Variants in ELF2 observed in about 807,000 individuals in gnomAD.
The protein encoded by ELF2 is ETS-related transcription factor Elf-2.
In ELF2, 11 loss-of-function variants were observed where a neutral mutation model predicts 54.8. The ratio of observed to expected loss-of-function variants is 0.20; its 90% confidence interval spans 0.13 to 0.33. ELF2 has a LOEUF of 0.33. Among genes scored for constraint, ELF2 ranks in the 10% least tolerant of loss-of-function variants. The probability of loss-of-function intolerance (pLI) is 1.00; values close to 1 mark genes in which losing one functional copy is unlikely to be tolerated. For synonymous variants in ELF2, 203 were observed against 245.1 expected, an observed-to-expected ratio of 0.83 and a Z score of 1.61; for missense variants, 513 against 703.0, an observed-to-expected ratio of 0.73 and a Z score of 3.06.
intron 4 of ELF2, among the ~76,000 whole-genome samples, chr4:139,096,625 C>CTTTT (rs551057884): frequency 7.9e-6 from 1 of 127,026 alleles, no homozygotes; most frequent in African/African-American, 2.9e-5. Flanking sequence ...CCATACCAAG[C>CTTTT]TTTTTTTTTT....
chr4:139,084,551 G>T (rs1731753592), intron 4 of ELF2: 1 of 461,540 alleles, frequency 2.2e-6, no homozygotes, highest in African/African-American at 2.1e-5. Context: ...CCAGAGAGCG[G>T]CCGCAGCCTG....
At chr4:139,133,393 T>G (rs1737751099) in intron 3 of ELF2, among the ~76,000 whole-genome samples, 1 of 152,184 alleles carries the variant, frequency 6.6e-6, no homozygotes, top group Non-Finnish European at 1.5e-5. Flanking sequence ...TTACATGTAT[T>G]TAACGTTCCA....
At chr4:139,070,091 C>T (rs1296341554) in intron 6 of ELF2, among the ~76,000 whole-genome samples, 2 of 152,096 alleles carry the variant, frequency 1.3e-5, no homozygotes, top group Non-Finnish European at 2.9e-5. Flanking sequence ...AATCCTCCTG[C>T]CTCAGCCTCC....
chr4:139,157,452 T>C (rs1740664421), intron 1 of ELF2, among the ~76,000 whole-genome samples: 1 of 152,060 alleles, frequency 6.6e-6, no homozygotes, highest in South Asian at 2.1e-4. Context: ...CAGGCTGGAG[T>C]GCAGTGGCAT....
At position 139,073,448 on chromosome 4, in the gene ELF2, A is replaced by C. The variant is rs759435588; in HGVS notation, c.352+6T>G. 6.3e-7 allele frequency: 1 copy of C among 1,586,442 alleles called. No individual in the cohort carries two copies. The highest frequency in any genetic ancestry group is 8.6e-7 in the Non-Finnish European group (1 of 1,164,558). On this transcript the variant is annotated splice_donor_region_variant and intron_variant, in intron 5 of 9. Transcript: ENST00000686138. The stretch of plus-strand genomic sequence containing the variant: ...CGTTTAACATAAGAATGAACAGTTT[A>C]CATACCAGGACTTCTTGAATCCCTC...
chr4:139,122,496 TTTTTG>T (rs55655731), intron 4 of ELF2, among the ~76,000 whole-genome samples: 101 of 150,606 alleles, frequency 6.7e-4, no homozygotes, highest in Admixed American at 3.4e-3. Flanking sequence ...CTTTTTTTAG[TTTTTG>T]TTTTGTTTTG....
intron 4 of ELF2, among the ~76,000 whole-genome samples, chr4:139,079,867 CTG>C (rs1332412581): frequency 3.3e-5 from 5 of 152,214 alleles, no homozygotes; most frequent in Non-Finnish European, 5.9e-5. Context: ...GATTGTGCCA[CTG>C]CACTCCAGGC....
At chr4:139,164,218 G>C (rs1015494611) in intron 1 of ELF2, among the ~76,000 whole-genome samples, 6 of 149,316 alleles carry the variant, frequency 4.0e-5, no homozygotes, top group East Asian at 2.0e-4. Flanking sequence ...GGGGAGGAGG[G>C]AGGGAGGGAA....
At chr4:139,136,553 AT>A (rs1018002855) in intron 3 of ELF2, among the ~76,000 whole-genome samples, 5 of 151,550 alleles carry the variant, frequency 3.3e-5, no homozygotes, top group African/African-American at 7.3e-5. Flanking sequence ...GAGAAAACAG[AT>A]TTTTTTTTAA....
chr4:139,134,598 ATTTTATTTTATTTTATTTTATTTAT>A (rs1737923420), intron 3 of ELF2, among the ~76,000 whole-genome samples: 1 of 139,626 alleles, frequency 7.2e-6, no homozygotes, highest in Non-Finnish European at 1.5e-5. Context: ...ATTTTATTTT[ATTTTATTTTATTTTATTTTATTTAT>A]TTTATTTTAT....
chr4:139,131,440 G>A (rs1737479671), intron 3 of ELF2, among the ~76,000 whole-genome samples: 1 of 152,150 alleles, frequency 6.6e-6, no homozygotes, highest in Admixed American at 6.5e-5. Context: ...TGCTCTCCAG[G>A]TATCAGAAGT....
At chr4:139,105,789 G>A (rs1414909619) in intron 4 of ELF2, among the ~76,000 whole-genome samples, 1 of 152,196 alleles carries the variant, frequency 6.6e-6, no homozygotes, top group South Asian at 2.1e-4. Context: ...CTACTTGGGA[G>A]GCTGAGGTGG....
intron 4 of ELF2, among the ~76,000 whole-genome samples, chr4:139,110,028 T>C (rs1056641008): frequency 2.0e-5 from 3 of 152,232 alleles, no homozygotes; most frequent in African/African-American, 7.2e-5. Context: ...ATAATTAATA[T>C]TGTATATTAG....
intron 4 of ELF2, among the ~76,000 whole-genome samples, chr4:139,111,942 T>G (rs1031959730): frequency 1.3e-5 from 2 of 152,206 alleles, no homozygotes; most frequent in Non-Finnish European, 2.9e-5. Context: ...TAAGTAATTC[T>G]TTGACTGTCC....
chr4:139,151,286 T>C (rs1739972373), intron 1 of ELF2, among the ~76,000 whole-genome samples: 1 of 152,034 alleles, frequency 6.6e-6, no homozygotes, highest in Admixed American at 6.5e-5. Flanking sequence ...GAAAAAATTA[T>C]TAGATGAGAC....
In ELF2 at chr4:139,137,466, T is replaced by C. The variant is rs187849411; in HGVS notation, c.72+164A>G. 1,513 of 688,710 alleles carry C rather than the reference T, an allele frequency of 2.2e-3. 2 individuals are homozygous for C. Among genetic ancestry groups the C allele is most frequent in the Non-Finnish European group, 3.3e-3 (1,353 of 412,740 alleles). The allele number at this position is 688,710 out of a possible 1,614,324, so 42.7% of individuals were successfully genotyped here. ...CACGTAAGCCCTGCAATACCTTCCT[T>C]GACCTTCTATTACCTAAATTATATA... On this transcript the variant is annotated intron_variant, in intron 3 of 9. Coordinates refer to ENST00000686138, the MANE Select transcript of ELF2 (RefSeq NM_001331036.3).
At chr4:139,128,823 C>T (rs1230929844) in intron 3 of ELF2, among the ~76,000 whole-genome samples, 1 of 151,868 alleles carries the variant, frequency 6.6e-6, no homozygotes. Context: ...TACCCAGCCT[C>T]AAAATGTTAA....
intron 1 of ELF2, among the ~76,000 whole-genome samples, chr4:139,167,679 T>G (rs184149989): frequency 1.3e-5 from 2 of 152,286 alleles, no homozygotes; most frequent in African/African-American, 4.8e-5. Flanking sequence ...TCCACAGAAT[T>G]ATTAAAACAG....
At chr4:139,152,186 G>C (rs114877817) in intron 1 of ELF2, among the ~76,000 whole-genome samples, 1 of 151,984 alleles carries the variant, frequency 6.6e-6, no homozygotes, top group Non-Finnish European at 1.5e-5. Flanking sequence ...AAAAATATAA[G>C]AGTGAATTTT....
Sources: gnomAD v4.1 joint callset for allele counts (sites outside exome capture counted in the v4.1 genomes callset) on GRCh38, gnomAD v4.1.1 for gene constraint, MANE v1.5 for transcripts, NCBI Gene and HGNC (gene_info 2026-07-23, HGNC 2026-07-21) for gene names.